Variants in KAZN observed in about 807,000 individuals in gnomAD.
KAZN encodes kazrin, periplakin interacting protein.
In KAZN, 40 loss-of-function variants were observed where a neutral mutation model predicts 87.4. The ratio of observed to expected loss-of-function variants is 0.46; its 90% CI spans 0.36 to 0.60. KAZN has a LOEUF of 0.60. Among genes scored for constraint, KAZN ranks in the 20% least tolerant of loss-of-function variants. The pLI is 0.00. For synonymous variants in KAZN, 466 were observed against 458.3 expected (o/e 1.02, Z -0.22); for missense variants, 898 against 1,073.9 (o/e 0.84, Z 2.29).
chr1:14,045,692 T>G (rs1356241628), intron 1 of KAZN, among the ~76,000 whole-genome samples: 2 of 152,200 alleles, frequency 1.3e-5, no homozygotes, highest in African/African-American at 4.8e-5. Context: ...TTGCATTTCC[T>G]CAGGCAAGTT....
At chr1:14,667,870 G>T (rs890414569) in intron 1 of KAZN, among the ~76,000 whole-genome samples, 1 of 151,300 alleles carries the variant, frequency 6.6e-6, no homozygotes. Context: ...TATACAACTC[G>T]GAGTGATCAA....
rs1643763271 is a variant in KAZN at position 14,083,765 on chromosome 1, C to G, written c.92-96670C>G. Among the ~76,000 whole-genome samples, 14 of 152,316 alleles carry G rather than the reference C, an allele frequency of 9.2e-5. 1 individual carries two copies. In the South Asian group the frequency reaches 2.9e-3, roughly 32 times the overall value. ...GGAAATGACAACTTTATATTAGACT[C>G]ATATCTCATCACAGCATCACTGGAG... On this transcript the variant is annotated intron_variant, in intron 1 of 16. Transcript: ENST00000636203.
chr1:14,750,599 T>TAA (rs60001331), intron 1 of KAZN, among the ~76,000 whole-genome samples: 25,109 of 144,300 alleles, frequency 0.17, 2,487 homozygotes, highest in South Asian at 0.31. Flanking sequence ...GTTTCTTTTC[T>TAA]AAAAAAAAAA....
intron 2 of KAZN, among the ~76,000 whole-genome samples, chr1:14,236,134 C>T (rs993329533): frequency 8.5e-5 from 13 of 152,150 alleles, no homozygotes; most frequent in Non-Finnish European, 1.0e-4. Context: ...GATGTAGGGA[C>T]AATGGGAAGA....
intron 1 of KAZN, among the ~76,000 whole-genome samples, chr1:14,715,803 G>A (rs2100245041): frequency 6.6e-6 from 1 of 152,288 alleles, no homozygotes; most frequent in East Asian, 1.9e-4. Flanking sequence ...TCCGAAGAGT[G>A]AAACTATCTC....
At chr1:14,125,054 G>A (rs976384480) in intron 1 of KAZN, among the ~76,000 whole-genome samples, 2 of 152,122 alleles carry the variant, frequency 1.3e-5, no homozygotes, top group South Asian at 2.1e-4. Flanking sequence ...GATCATCCAC[G>A]GGCATGTCTC....
At chr1:14,513,533 C>T (rs553386206) in intron 2 of KAZN, among the ~76,000 whole-genome samples, 1 of 152,084 alleles carries the variant, frequency 6.6e-6, no homozygotes, top group South Asian at 2.1e-4. Flanking sequence ...TAGTTTTTTC[C>T]GTCTTTCTAA....
intron 2 of KAZN, among the ~76,000 whole-genome samples, chr1:14,995,152 G>A (rs1378727263): frequency 6.6e-6 from 1 of 152,206 alleles, no homozygotes; most frequent in Non-Finnish European, 1.5e-5. Context: ...TTAAAACGAG[G>A]CCTGAGCTCT....
chr1:14,938,211 C>T (rs1660667020), intron 1 of KAZN, among the ~76,000 whole-genome samples: 1 of 152,124 alleles, frequency 6.6e-6, no homozygotes, highest in Non-Finnish European at 1.5e-5. Context: ...CTAGCCCTAT[C>T]TAGTAGGGGT....
chr1:14,177,261 ATTG>A (rs1646099804), intron 1 of KAZN, among the ~76,000 whole-genome samples: 1 of 152,188 alleles, frequency 6.6e-6, no homozygotes, highest in Non-Finnish European at 1.5e-5. Context: ...GGATATTATT[ATTG>A]TTGTTGCTTT....
At chr1:14,595,708 A>C (rs1290645764), upstream of KAZN, among the ~76,000 whole-genome samples, 1 of 151,754 alleles carries the variant, frequency 6.6e-6, no homozygotes, top group East Asian at 1.9e-4. Flanking sequence ...AGAAAAAGAA[A>C]AAGAAAGAAA....
chr1:15,015,443 GC>G (rs1283417120), intron 2 of KAZN, among the ~76,000 whole-genome samples: 2 of 152,146 alleles, frequency 1.3e-5, no homozygotes, highest in Admixed American at 6.5e-5. Flanking sequence ...GAGCCACCGG[GC>G]CCGGCCATAA....
intron 2 of KAZN, among the ~76,000 whole-genome samples, chr1:14,363,328 TA>T (rs1490624034): frequency 6.6e-6 from 1 of 152,172 alleles, no homozygotes; most frequent in Non-Finnish European, 1.5e-5. Context: ...AAGGATGTTC[TA>T]AGGGCCTAGT....
At chr1:14,562,930 C>G (rs1674341715) in intron 2 of KAZN, among the ~76,000 whole-genome samples, 1 of 152,184 alleles carries the variant, frequency 6.6e-6, no homozygotes, top group Admixed American at 6.6e-5. Context: ...TTAGTTAAGA[C>G]AACTCATCTC....
rs112453756 is a variant in KAZN at position 14,155,419 on chromosome 1, CT to C, written c.92-25008del. Among the ~76,000 whole-genome samples the C allele has an allele frequency of 6.8e-3, 1,034 of 151,994 alleles. 11 individuals carry two copies. Among genetic ancestry groups the C allele is most frequent in the African/African-American group, 0.023 (954 of 41,492 alleles). ...GCATTTATTTATTTGGATCTTCTCT[CT>C]TTTTTTTCTTAGTCTTGCTAATGAT... is the stretch of plus-strand genomic sequence containing the variant. On this transcript the variant is annotated intron_variant, in intron 1 of 16. Transcript: ENST00000636203.
intron 2 of KAZN, among the ~76,000 whole-genome samples, chr1:14,182,719 T>G (rs1646223823): frequency 6.6e-6 from 1 of 152,172 alleles, no homozygotes; most frequent in Admixed American, 6.5e-5. Context: ...TTATTGGGCA[T>G]TTCGGGGGCT....
intron 1 of KAZN, among the ~76,000 whole-genome samples, chr1:14,956,239 G>A (rs115356827): frequency 2.5e-3 from 365 of 144,964 alleles, no homozygotes; most frequent in African/African-American, 9.2e-3. Context: ...CTTCTTCCTG[G>A]ACAATAGTAA....
chr1:14,627,635 C>T (rs555213707), intron 1 of KAZN, among the ~76,000 whole-genome samples: 1 of 152,310 alleles, frequency 6.6e-6, no homozygotes, highest in East Asian at 1.9e-4. Context: ...CAGTGCCTGC[C>T]TTCTGAGGGT....
chr1:14,841,330 C>T (rs747464468), intron 1 of KAZN, among the ~76,000 whole-genome samples: 25 of 144,276 alleles, frequency 1.7e-4, no homozygotes, highest in African/African-American at 3.1e-4. Context: ...GGTGTGAACC[C>T]GGGAGGCGGA....
Sources: allele counts gnomAD v4.1 joint callset (sites outside exome capture counted in the v4.1 genomes callset), GRCh38; gene constraint gnomAD v4.1.1; transcripts MANE v1.5; gene names NCBI Gene and HGNC (gene_info 2026-07-23, HGNC 2026-07-21).